The following TYR variants were observed in gnomAD, a reference collection of about 807,000 sequenced individuals.
TYR encodes the protein tyrosinase.
A neutral mutation model predicts 51.5 loss-of-function variants in TYR; 58 were observed. The observed-to-expected ratio is 1.13, with a 90% CI of 0.91 to 1.40. The LOEUF (loss-of-function observed/expected upper bound fraction) is 1.40. TYR is among the 40% of genes most tolerant of loss of function. The pLI is 0.00. For missense variants in TYR, 732 were observed against 647.4 expected (o/e 1.13, Z -1.42); for synonymous variants, 263 against 235.2 (o/e 1.12, Z -1.08).
At chr11:89,178,810 G>T in intron 1 of TYR, 38 bp downstream of exon 1, 1 of 1,604,640 alleles carries the variant, frequency 6.2e-7, no homozygotes, top group African/African-American at 1.3e-5. Context: ...GAGTAGGGAG[G>T]AACCTTAACA....
chr11:89,213,069 G>T (rs559178709), intron 2 of TYR, among the ~76,000 whole-genome samples: 1 of 152,190 alleles, frequency 6.6e-6, no homozygotes, highest in East Asian at 1.9e-4. Flanking sequence ...TATTCACATA[G>T]TATTGGAAGT....
rs61754370 is a variant in TYR, at chr11:89,178,719, C to T, written c.766C>T (p.His256Tyr). 2.5e-6 allele frequency: 4 copies of T among 1,613,948 alleles called. No individual in the cohort carries two copies. Among genetic ancestry groups the T allele is most frequent in the Non-Finnish European group, 3.4e-6 (4 of 1,180,000 alleles). ...ICTDEYMGGQHPTNPNLLSPA... is the reference protein window; with the variant it reads ...ICTDEYMGGQYPTNPNLLSPA... ...CACAGATGAGTACATGGGAGGTCAG[C>T]ACCCCACAAATCCTAACTTACTCAG... The change falls in exon 1 of 5, where the codon CAC (histidine) becomes TAC (tyrosine). Residue 256 changes from histidine to tyrosine, a missense_variant. Physicochemically the swap from His to Tyr is moderately conservative, Grantham distance 83. Coordinates refer to ENST00000263321, the MANE Select transcript of TYR (RefSeq NM_000372.5).
intron 3 of TYR, among the ~76,000 whole-genome samples, chr11:89,276,827 G>A (rs530604824): frequency 4.6e-4 from 70 of 151,924 alleles, no homozygotes; most frequent in Non-Finnish European, 1.5e-5. Flanking sequence ...AACACACAGA[G>A]AACAGGGTAC....
At chr11:89,233,761 A>C in intron 3 of TYR, among the ~76,000 whole-genome samples, 1 of 142,878 alleles carries the variant, frequency 7.0e-6, no homozygotes, top group Non-Finnish European at 1.5e-5. Flanking sequence ...TGGTCTCAGC[A>C]ATGGGCTTAA....
intron 3 of TYR, among the ~76,000 whole-genome samples, chr11:89,262,810 AC>A (rs1944473595): frequency 7.1e-6 from 1 of 140,360 alleles, no homozygotes; most frequent in Non-Finnish European, 1.5e-5. Flanking sequence ...AGAAATCTAA[AC>A]AGACCTGTAG....
intron 2 of TYR, among the ~76,000 whole-genome samples, chr11:89,195,464 A>AG (rs2135256707): frequency 6.6e-6 from 1 of 152,244 alleles, no homozygotes; most frequent in East Asian, 1.9e-4. Flanking sequence ...GGATCACCTG[A>AG]GGTCAGGAGC....
At chr11:89,188,341 A>G (rs1319530376) in intron 1 of TYR, among the ~76,000 whole-genome samples, 10 of 152,050 alleles carry the variant, frequency 6.6e-5, no homozygotes, top group African/African-American at 2.2e-4. Flanking sequence ...TGCCTGACAC[A>G]TAGACATTTT....
At chr11:89,247,427 C>G (rs990096178) in intron 3 of TYR, among the ~76,000 whole-genome samples, 1 of 152,110 alleles carries the variant, frequency 6.6e-6, no homozygotes, top group Admixed American at 6.6e-5. Flanking sequence ...AGTTGAATTG[C>G]TTTCTATCAA....
chr11:89,183,015 C>T (rs561734679), intron 1 of TYR, among the ~76,000 whole-genome samples: 22 of 152,068 alleles, frequency 1.4e-4, no homozygotes, highest in South Asian at 4.2e-4. Context: ...GTAACCATGA[C>T]GACAGCTCAG....
At chr11:89,291,742 T>G (rs1944855140) in intron 4 of TYR, among the ~76,000 whole-genome samples, 1 of 152,022 alleles carries the variant, frequency 6.6e-6, no homozygotes, top group South Asian at 2.1e-4. Context: ...CTGTAACCCT[T>G]TTACCTATTT....
At chr11:89,197,681 T>C (rs1404509753) in intron 2 of TYR, among the ~76,000 whole-genome samples, 3 of 151,558 alleles carry the variant, frequency 2.0e-5, no homozygotes, top group Non-Finnish European at 4.4e-5. Flanking sequence ...TCTAAAGTAG[T>C]GAGAATGAGG....
intron 4 of TYR, among the ~76,000 whole-genome samples, chr11:89,286,801 G>A (rs1164023377): frequency 1.3e-5 from 2 of 151,856 alleles, no homozygotes; most frequent in African/African-American, 4.8e-5. Context: ...GGTGTGGTAA[G>A]AGGAGGGGTT....
chr11:89,278,612 ATTATT>A (rs1944685617), intron 3 of TYR, among the ~76,000 whole-genome samples: 1 of 151,524 alleles, frequency 6.6e-6, no homozygotes, highest in African/African-American at 2.4e-5. Context: ...ATATTTTATA[ATTATT>A]TTATTTGTAA....
At chr11:89,179,701 T>G (rs1171025990) in intron 1 of TYR, among the ~76,000 whole-genome samples, 1 of 152,236 alleles carries the variant, frequency 6.6e-6, no homozygotes, top group Non-Finnish European at 1.5e-5. Context: ...AAGTTAGCTT[T>G]CTTTCTCAGT....
At chr11:89,205,245 A>T (rs78974460) in intron 2 of TYR, among the ~76,000 whole-genome samples, 3,829 of 152,190 alleles carry the variant, frequency 0.025, 172 homozygotes, top group African/African-American at 0.088. Context: ...AAAAAAAATT[A>T]AAAAGGCTCA....
chr11:89,259,149 C>G (rs1944428592), intron 3 of TYR, among the ~76,000 whole-genome samples: 1 of 151,948 alleles, frequency 6.6e-6, no homozygotes, highest in Non-Finnish European at 1.5e-5. Flanking sequence ...ATGAATGAGT[C>G]TAGAATTCGT....
intron 2 of TYR, among the ~76,000 whole-genome samples, chr11:89,221,737 A>C (rs557803564): frequency 6.6e-6 from 1 of 152,306 alleles, no homozygotes; most frequent in African/African-American, 2.4e-5. Context: ...CAGATGCACT[A>C]ATGTACATTT....
chr11:89,214,312 C>T (rs1943803832), intron 2 of TYR, among the ~76,000 whole-genome samples: 1 of 152,144 alleles, frequency 6.6e-6, no homozygotes, highest in African/African-American at 2.4e-5. Context: ...CAGAGAAATG[C>T]AAATCAAAAC....
At chr11:89,283,465 TGC>T (rs1944742397) in intron 3 of TYR, among the ~76,000 whole-genome samples, 2 of 151,862 alleles carry the variant, frequency 1.3e-5, no homozygotes, top group African/African-American at 4.8e-5. Context: ...ACCTTTGACC[TGC>T]TAGCTTAAAA....
Sources: allele counts gnomAD v4.1 joint callset (sites outside exome capture counted in the v4.1 genomes callset), GRCh38; gene constraint gnomAD v4.1.1; transcripts MANE v1.5; gene names NCBI Gene and HGNC (gene_info 2026-07-23, HGNC 2026-07-21).